Variants in UHMK1 observed in about 807,000 individuals in gnomAD.
The protein encoded by UHMK1 is U2AF homology motif kinase 1.
In UHMK1, 18 loss-of-function variants were observed where a neutral mutation model predicts 44.0. That is an observed-to-expected ratio of 0.41 (90% CI 0.28 to 0.61). The LOEUF (loss-of-function observed/expected upper bound fraction) is 0.61, where lower values mean the gene tolerates loss of function less well. Ranked by LOEUF, UHMK1 falls within the 20% of genes least tolerant of loss-of-function variation. UHMK1 has a pLI of 0.31. For missense variants in UHMK1, 463 were observed against 522.5 expected (o/e 0.89, Z 1.11); for synonymous variants, 231 against 198.5 (o/e 1.16, Z -1.38).
chr1:162,518,651 C>T (rs929856913), intron 7 of UHMK1, among the ~76,000 whole-genome samples: 1 of 149,414 alleles, frequency 6.7e-6, no homozygotes, highest in African/African-American at 2.5e-5. Context: ...CACTGCACTC[C>T]AGCCTGGGCC....
At chr1:162,510,101 G>C (rs1294570198) in intron 4 of UHMK1, among the ~76,000 whole-genome samples, 1 of 151,838 alleles carries the variant, frequency 6.6e-6, no homozygotes, top group Non-Finnish European at 1.5e-5. Flanking sequence ...TTTTTTTAAT[G>C]ACATAAAATT....
intron 7 of UHMK1, among the ~76,000 whole-genome samples, chr1:162,521,327 T>A (rs1391986852): frequency 6.6e-6 from 1 of 152,160 alleles, no homozygotes; most frequent in Non-Finnish European, 1.5e-5. Context: ...GCAAGGAGTA[T>A]GATAGAAAAC....
intron 4 of UHMK1, among the ~76,000 whole-genome samples, chr1:162,510,223 T>G (rs960389487): frequency 2.6e-5 from 4 of 152,210 alleles, no homozygotes; most frequent in Non-Finnish European, 5.9e-5. Context: ...ATGAGAGTGC[T>G]TAACATTCAC....
chr1:162,498,358 C>G, intron 1 of UHMK1, 90 bp downstream of exon 1: 2 of 1,455,492 alleles, frequency 1.4e-6, no homozygotes, highest in Non-Finnish European at 1.8e-6. Flanking sequence ...TCTTCCTCCC[C>G]TTCTGCGGGA....
rs886164563 is a variant in UHMK1 at position 162,526,621 on chromosome 1, T to C, written c.*4071T>C. ...AGTAACTTTTAGATTGAGTCACATATGATAGTATAAAAGTCCAAAATTTTC... is the reference window on the plus strand; with the variant it reads ...AGTAACTTTTAGATTGAGTCACATACGATAGTATAAAAGTCCAAAATTTTC... On this transcript the variant is annotated 3_prime_UTR_variant, in exon 8 of 8. Coordinates refer to ENST00000489294, the MANE Select transcript of UHMK1 (RefSeq NM_175866.5). 1.2e-4 allele frequency: 18 copies of C among 152,150 alleles called. No individual in the cohort carries two copies. Among genetic ancestry groups the C allele is most frequent in the Admixed American group, 3.3e-4 (5 of 15,278 alleles). The allele number at this position is 152,150 out of a possible 1,614,324, so 9.4% of individuals were successfully genotyped here.
chr1:162,498,032 A>G lies in UHMK1; in HGVS notation c.32A>G (p.Glu11Gly). The change falls in exon 1 of 8, where the codon GAG becomes GGG. Residue 11 changes from glutamate to glycine, a missense_variant. Around this residue, in one of 3 missense-constraint regions of UHMK1, gnomAD observed 191 missense variants for 176.0 expected, o/e 1.09. Transcript: ENST00000489294. MAGSGCAWGA[E>G]PPRFLEAFGR... ...GGATCCGGCTGCGCCTGGGGCGCGG[A>G]GCCGCCGCGTTTTCTGGAGGCCTTC... 6.3e-7 allele frequency: 1 copy of G among 1,598,164 alleles called. No homozygotes were observed. Among genetic ancestry groups the G allele is most frequent in the Non-Finnish European group, 8.5e-7 (1 of 1,171,124 alleles).
chr1:162,519,039 A>G (rs759052491), intron 7 of UHMK1, among the ~76,000 whole-genome samples: 1 of 149,866 alleles, frequency 6.7e-6, no homozygotes, highest in Non-Finnish European at 1.5e-5. Context: ...ACACCAGGCC[A>G]GGTGAGGTGG....
chr1:162,508,146 C>CAA (rs1009038086), intron 4 of UHMK1, among the ~76,000 whole-genome samples: 1 of 151,926 alleles, frequency 6.6e-6, no homozygotes, highest in Non-Finnish European at 1.5e-5. Context: ...GACAAAGTCT[C>CAA]ACTCTGTCAC....
chr1:162,501,776 C>G (rs1398609270), intron 3 of UHMK1, among the ~76,000 whole-genome samples: 1 of 152,000 alleles, frequency 6.6e-6, no homozygotes, highest in African/African-American at 2.4e-5. Flanking sequence ...TATAGATTAT[C>G]TTAACTGCTT....
chr1:162,522,012 TCCAGGTA>T (rs1225987202), intron 7 of UHMK1, among the ~76,000 whole-genome samples: 1 of 152,172 alleles, frequency 6.6e-6, no homozygotes, highest in Non-Finnish European at 1.5e-5. Flanking sequence ...CAGATTATCA[TCCAGGTA>T]CCATTGAAAT....
Position 162,506,962 on chromosome 1 carries a change from T to C in UHMK1, c.848+3114T>C, listed in dbSNP as rs115019668. 2.3e-3 allele frequency among the ~76,000 whole-genome samples: 352 copies of C among 152,332 alleles called. 2 individuals carry two copies. Among genetic ancestry groups the C allele is most frequent in the African/African-American group, 8.2e-3 (340 of 41,588 alleles). ...GTAATTTTATCAAAATATATTTTGA[T>C]TTTGATTGTTCTGGGTCAATATTCT... On this transcript the variant is annotated intron_variant, in intron 4 of 7. Coordinates refer to ENST00000489294, the MANE Select transcript of UHMK1 (RefSeq NM_175866.5).
At chr1:162,500,614 AT>A in intron 2 of UHMK1, 1 of 411,506 alleles carries the variant, frequency 2.4e-6, no homozygotes, top group Non-Finnish European at 4.3e-6. Flanking sequence ...GTTCTGCCAA[AT>A]CCTCTTTTCT....
At chr1:162,512,178 G>A (rs912875630) in intron 4 of UHMK1, among the ~76,000 whole-genome samples, 6 of 150,194 alleles carry the variant, frequency 4.0e-5, no homozygotes, top group Admixed American at 2.7e-4. Context: ...TCATCCCACC[G>A]ATATCTTTTT....
chr1:162,524,154 C>T lies in UHMK1; in HGVS notation c.*1604C>T, dbSNP rs993956755. The T allele has an allele frequency of 6.6e-6, 1 of 152,044 alleles. No individual in the cohort carries two copies. Among genetic ancestry groups the T allele is most frequent in the African/African-American group, 2.4e-5 (1 of 41,414 alleles). 9.4% of individuals were successfully genotyped at this position (152,044 alleles called of 1,614,324 possible). ...TATCTTTCCCTGCTGGAAGCCTCCT[C>T]ATATTTCCTTATGTTTGCCATGCAG... On this transcript the variant is annotated 3_prime_UTR_variant, in exon 8 of 8. Transcript: ENST00000489294.
intron 5 of UHMK1, 32 bp downstream of exon 5, chr1:162,512,608 G>A: frequency 6.2e-7 from 1 of 1,602,708 alleles, no homozygotes; most frequent in Non-Finnish European, 8.5e-7. Context: ...TTTTTTCTTG[G>A]TCATTTGACA....
rs1292219459 is a variant in UHMK1 at position 162,527,681 on chromosome 1, T to A, written c.*5131T>A. ...ACTTACCAAATGACTGCTTGAGTGT[T>A]ATTTCCCATTAAATTGGGTAGCTGT... On this transcript the variant is annotated 3_prime_UTR_variant, in exon 8 of 8. Transcript: ENST00000489294. 1 of 152,090 alleles carries A rather than the reference T, an allele frequency of 6.6e-6. No homozygotes were observed. The highest frequency in any genetic ancestry group is 2.4e-5 in the African/African-American group (1 of 41,452). The allele number at this position is 152,090 out of a possible 1,614,324, so 9.4% of individuals were successfully genotyped here.
rs1022864590 is a variant in UHMK1, at chr1:162,522,784, C to A, written c.*234C>A. 7.9e-6 allele frequency: 3 copies of A among 378,856 alleles called. No homozygotes were observed. Among genetic ancestry groups the A allele is most frequent in the Non-Finnish European group, 1.4e-5 (3 of 212,978 alleles). The allele number at this position is 378,856 out of a possible 1,614,324, so 23.5% of individuals were successfully genotyped here. On this transcript the variant is annotated 3_prime_UTR_variant, in exon 8 of 8. Coordinates refer to ENST00000489294, the MANE Select transcript of UHMK1 (RefSeq NM_175866.5). The stretch of plus-strand genomic sequence containing the variant: ...GTTTTAGAGCATCCATGTGGGCAAC[C>A]CTTTTTTGTGCGGGAGAGCAGGTGT...
rs1652276530 is a variant in UHMK1, at chr1:162,527,082, ATAT to A, written c.*4535_*4537del. 1 of 152,126 alleles carries A rather than the reference ATAT, an allele frequency of 6.6e-6. No individual in the cohort carries two copies. The highest frequency in any genetic ancestry group is 1.5e-5 in the Non-Finnish European group (1 of 67,938). 9.4% of individuals were successfully genotyped at this position (152,126 alleles called of 1,614,324 possible). A position where few individuals can be genotyped will look rare whatever the true frequency, so the allele number is the denominator to read the frequency against. ...CATACAGAGCTGAGCCTCTTGTGGTATATTAAGATAAGTCCCATTCTTAATCAC... is the reference window on the plus strand; with the variant it reads ...CATACAGAGCTGAGCCTCTTGTGGTATAAGATAAGTCCCATTCTTAATCAC... On this transcript the variant is annotated 3_prime_UTR_variant, in exon 8 of 8. Transcript: ENST00000489294.
At position 162,523,298 on chromosome 1, in the gene UHMK1, T is replaced by C. The variant is rs1381829571; in HGVS notation, c.*748T>C. On this transcript the variant is annotated 3_prime_UTR_variant, in exon 8 of 8. Coordinates refer to ENST00000489294, the MANE Select transcript of UHMK1 (RefSeq NM_175866.5). Reference sequence around the variant, plus strand: ...TGTGAGCTAATACAGTCTATACTTATTTCTTCCCTACCTGTTTCACATCCG... The same window carrying C: ...TGTGAGCTAATACAGTCTATACTTACTTCTTCCCTACCTGTTTCACATCCG... 1 of 152,636 alleles carries C rather than the reference T, an allele frequency of 6.6e-6. No homozygotes were observed. The highest frequency in any genetic ancestry group is 2.4e-5 in the African/African-American group (1 of 41,454). 9.5% of individuals were successfully genotyped at this position (152,636 alleles called of 1,614,324 possible).
Sources: gnomAD v4.1 joint callset for allele counts (sites outside exome capture counted in the v4.1 genomes callset) on GRCh38, gnomAD v4.1.1 for gene constraint, gnomAD v4.1.1 regional missense constraint, MANE v1.5 for transcripts, NCBI Gene and HGNC (gene_info 2026-07-23, HGNC 2026-07-21) for gene names.